Variants in SLC16A12 observed in about 807,000 individuals in gnomAD.
SLC16A12 encodes the protein monocarboxylate transporter 12.
SLC16A12 carries 17 observed loss-of-function variants against 42.4 expected under a neutral mutation model. The observed-to-expected ratio is 0.40, with a 90% CI of 0.27 to 0.60. The LOEUF is 0.60. Ranked by LOEUF, SLC16A12 falls within the 20% of genes least tolerant of loss-of-function variation. The pLI, the probability that SLC16A12 is intolerant of heterozygous loss-of-function variation, is 0.42. For synonymous variants in SLC16A12, 224 were observed against 229.4 expected, an observed-to-expected ratio of 0.98 and a Z score of 0.21; for missense variants, 544 against 623.0, an observed-to-expected ratio of 0.87 and a Z score of 1.35.
chr10:89,430,489 A>C lies in SLC16A12; in HGVS notation c.*2575T>G, dbSNP rs1841678446. The stretch of plus-strand genomic sequence containing the variant: ...AGAGCTTACAGTAGTAGAAAGAAAT[A>C]TTTAAGATGTAAAATTATCCCACTA... On this transcript the variant is annotated 3_prime_UTR_variant, in exon 8 of 8. Transcript: ENST00000371790. 5.0e-6 allele frequency: 2 copies of C among 401,626 alleles called. No homozygotes were observed. Among genetic ancestry groups the C allele is most frequent in the East Asian group, 1.7e-4 (2 of 11,950 alleles). 24.9% of individuals were successfully genotyped at this position (401,626 alleles called of 1,614,324 possible).
intron 2 of SLC16A12, among the ~76,000 whole-genome samples, chr10:89,542,814 G>A (rs759279570): frequency 2.0e-5 from 3 of 151,992 alleles, no homozygotes; most frequent in African/African-American, 4.8e-5. Flanking sequence ...TTACTTCATC[G>A]AAATGGGACT....
At chr10:89,459,969 G>A (rs528979517) in intron 3 of SLC16A12, among the ~76,000 whole-genome samples, 62 of 152,242 alleles carry the variant, frequency 4.1e-4, no homozygotes, top group African/African-American at 1.4e-3. Context: ...ATGTAGACAA[G>A]TCAATCTTTC....
chr10:89,439,269 A>C (rs1841862925), intron 5 of SLC16A12, 86 bp from the exon 6 acceptor site: 18 of 1,357,194 alleles, frequency 1.3e-5, no homozygotes, highest in Non-Finnish European at 1.8e-5. Context: ...ATTAAAGAGA[A>C]TCTGACCTCT....
At position 89,431,592 on chromosome 10, in the gene SLC16A12, G is replaced by A. The variant is rs1242656647; in HGVS notation, c.*1472C>T. On this transcript the variant is annotated 3_prime_UTR_variant, in exon 8 of 8. Coordinates refer to ENST00000371790, the MANE Select transcript of SLC16A12 (RefSeq NM_213606.4). ...CCAGCACTTGTGAGGCCTTGTAGGG[G>A]ACAGTGGATTAAATAGCCTTCAGGG... The A allele has an allele frequency of 6.6e-6, 1 of 152,184 alleles. No individual in the cohort carries two copies. Among genetic ancestry groups the A allele is most frequent in the Non-Finnish European group, 1.5e-5 (1 of 68,036 alleles). 9.4% of individuals were successfully genotyped at this position (152,184 alleles called of 1,614,324 possible).
intron 2 of SLC16A12, among the ~76,000 whole-genome samples, chr10:89,527,934 C>G (rs1014537254): frequency 4.6e-5 from 7 of 151,948 alleles, no homozygotes; most frequent in Non-Finnish European, 1.0e-4. Context: ...ACAATAAATC[C>G]TAATGACAAG....
intron 2 of SLC16A12, among the ~76,000 whole-genome samples, chr10:89,518,951 T>C (rs1040517527): frequency 5.3e-5 from 8 of 152,224 alleles, no homozygotes; most frequent in Admixed American, 4.6e-4. Flanking sequence ...ATATATATTA[T>C]ATACTAAATA....
At chr10:89,551,370 G>C (rs2133890822) in intron 2 of SLC16A12, among the ~76,000 whole-genome samples, 1 of 152,256 alleles carries the variant, frequency 6.6e-6, no homozygotes, top group Non-Finnish European at 1.5e-5. Flanking sequence ...TTGAACTTGG[G>C]AGGGGGAGGT....
intron 2 of SLC16A12, among the ~76,000 whole-genome samples, chr10:89,540,931 T>A (rs1034986538): frequency 2.0e-5 from 3 of 151,748 alleles, no homozygotes; most frequent in Admixed American, 6.6e-5. Context: ...TTTTTCCCTT[T>A]TTTTTTTTGA....
chr10:89,431,907 G>A lies in SLC16A12; in HGVS notation c.*1157C>T, dbSNP rs1014764051. On this transcript the variant is annotated 3_prime_UTR_variant, in exon 8 of 8. Coordinates refer to ENST00000371790, the MANE Select transcript of SLC16A12 (RefSeq NM_213606.4). ...TTCTAATTATTATCTATAAAGAGAT[G>A]AAGAGCAGTGGATAGTGGAACAAGA... The A allele has an allele frequency of 6.6e-6, 1 of 152,208 alleles. No homozygotes were observed. The highest frequency in any genetic ancestry group is 2.4e-5 in the African/African-American group (1 of 41,456). The allele number at this position is 152,208 out of a possible 1,614,324, so 9.4% of individuals were successfully genotyped here.
chr10:89,472,335 C>T (rs1191618512), intron 2 of SLC16A12, among the ~76,000 whole-genome samples: 1 of 151,482 alleles, frequency 6.6e-6, no homozygotes. Flanking sequence ...TTACAAAGGC[C>T]TAAAAAAGAG....
Position 89,454,038 on chromosome 10 carries a change from T to C in SLC16A12, c.200+8341A>G, listed in dbSNP as rs571081225. Among the ~76,000 whole-genome samples, 3 of 152,016 alleles carry C rather than the reference T, an allele frequency of 2.0e-5. No individual in the cohort carries two copies. The South Asian group carries it at 6.3e-4, about 32-fold the overall frequency. On this transcript the variant is annotated intron_variant, in intron 3 of 7. Coordinates refer to ENST00000371790, the MANE Select transcript of SLC16A12 (RefSeq NM_213606.4). ...TCCCTCGCTCCCTCCCTTCCTTCAT[T>C]TGTCTCAGCTCTGTTGCCCAGGCTG...
chr10:89,488,467 T>C (rs1027002164), intron 2 of SLC16A12, among the ~76,000 whole-genome samples: 6 of 152,212 alleles, frequency 3.9e-5, no homozygotes, highest in Non-Finnish European at 5.9e-5. Flanking sequence ...TTTTCCTTTC[T>C]GAATTAATTC....
At chr10:89,550,919 C>A (rs1843766840) in intron 2 of SLC16A12, among the ~76,000 whole-genome samples, 1 of 152,106 alleles carries the variant, frequency 6.6e-6, no homozygotes, top group Admixed American at 6.5e-5. Flanking sequence ...CTTAGTGAAA[C>A]CAAGAAGATG....
chr10:89,451,040 C>G (rs944978423), intron 3 of SLC16A12, among the ~76,000 whole-genome samples: 2 of 152,242 alleles, frequency 1.3e-5, no homozygotes, highest in African/African-American at 2.4e-5. Flanking sequence ...CTTGGAAAAG[C>G]CTTATATGGA....
At chr10:89,483,562 T>C (rs953659434) in intron 2 of SLC16A12, among the ~76,000 whole-genome samples, 5 of 151,822 alleles carry the variant, frequency 3.3e-5, no homozygotes, top group Non-Finnish European at 7.4e-5. Context: ...GCAATAACCC[T>C]CTAAAATGAA....
At chr10:89,481,844 G>T (rs1842668904) in intron 2 of SLC16A12, among the ~76,000 whole-genome samples, 2 of 152,102 alleles carry the variant, frequency 1.3e-5, no homozygotes, top group Admixed American at 1.3e-4. Flanking sequence ...GCACTACACA[G>T]AATGAGAATG....
At position 89,439,018 on chromosome 10, in the gene SLC16A12, C is replaced by A. The variant is rs778507843; in HGVS notation, c.614G>T (p.Gly205Val). The change falls in exon 6 of 8, where the codon GGA becomes GTA. Residue 205 changes from glycine to valine, a missense_variant. Transcript: ENST00000371790. ...QLLIEQFSWR[G>V]ALLILGGFVL... ...AAAGCCCCCAAGAATGAGTAAGGCTCCCCGCCAGGAAAACTGTTCAATAAG... is the reference window on the plus strand; with the variant it reads ...AAAGCCCCCAAGAATGAGTAAGGCTACCCGCCAGGAAAACTGTTCAATAAG... 1.2e-6 allele frequency: 2 copies of A among 1,614,092 alleles called. No individual in the cohort carries two copies. Among genetic ancestry groups the A allele is most frequent in the South Asian group, 2.2e-5 (2 of 91,052 alleles).
chr10:89,482,691 G>A (rs960814978), intron 2 of SLC16A12, among the ~76,000 whole-genome samples: 1 of 152,040 alleles, frequency 6.6e-6, no homozygotes, highest in Non-Finnish European at 1.5e-5. Context: ...AGCTGAGGTG[G>A]GAGGATCCTT....
At chr10:89,546,797 T>C (rs938350164) in intron 2 of SLC16A12, among the ~76,000 whole-genome samples, 1 of 124,734 alleles carries the variant, frequency 8.0e-6, no homozygotes, top group Admixed American at 7.5e-5. Context: ...TGCCCATCAA[T>C]GATAGACTGG....
Sources: gnomAD v4.1 joint callset for allele counts (sites outside exome capture counted in the v4.1 genomes callset) on GRCh38, gnomAD v4.1.1 for gene constraint, MANE v1.5 for transcripts, NCBI Gene and HGNC (gene_info 2026-07-23, HGNC 2026-07-21) for gene names.